RPTOR: variants seen among roughly 807,000 people sequenced by gnomAD.
The protein encoded by RPTOR is regulatory associated protein of MTOR complex 1, also known as regulatory-associated protein of mTOR.
RPTOR carries 21 observed loss-of-function variants against 169.9 expected under a neutral mutation model. The ratio of observed to expected loss-of-function variants is 0.12; its 90% CI spans 0.09 to 0.18. The LOEUF is 0.18. RPTOR is among the 10% of genes least tolerant of loss of function. The pLI, the probability that RPTOR is intolerant of heterozygous loss-of-function variation, is 1.00. For synonymous variants in RPTOR, 732 were observed against 753.2 expected (o/e 0.97, Z 0.46); for missense variants, 1,133 against 1,855.9 (o/e 0.61, Z 7.16).
chr17:80,583,110 A>G (rs2065029184), intron 1 of RPTOR, among the ~76,000 whole-genome samples: 1 of 150,940 alleles, frequency 6.6e-6, no homozygotes, highest in Non-Finnish European at 1.5e-5. Flanking sequence ...TTCAGTACAC[A>G]TAAAGGCAGT....
In RPTOR at chr17:80,659,769, C is replaced by G. The variant is rs558049485; in HGVS notation, c.348+15959C>G. Among the ~76,000 whole-genome samples, 1 of 152,244 alleles carries G rather than the reference C, an allele frequency of 6.6e-6. No individual in the cohort carries two copies. The highest frequency in any genetic ancestry group is 1.5e-5 in the Non-Finnish European group (1 of 68,010). On this transcript the variant is annotated intron_variant, in intron 3 of 33. Coordinates refer to ENST00000306801, the MANE Select transcript of RPTOR (RefSeq NM_020761.3). This position sits in a 1 kb window ranked among gnomAD's most constrained non-coding sequence, Gnocchi z 4.3. ...ATCCGCCCCTTGGTCTCCCAAAGTG[C>G]TGAGATACAGGCGTGAGCCACTGCG... is the stretch of plus-strand genomic sequence containing the variant.
intron 18 of RPTOR, among the ~76,000 whole-genome samples, chr17:80,892,376 C>T (rs1404517414): frequency 6.6e-6 from 1 of 152,216 alleles, no homozygotes; most frequent in Non-Finnish European, 1.5e-5. Flanking sequence ...GTGAGCCAGA[C>T]TGAGTGTGGA....
intron 9 of RPTOR, among the ~76,000 whole-genome samples, chr17:80,836,883 G>A (rs1018374784): frequency 1.3e-5 from 2 of 152,192 alleles, no homozygotes; most frequent in African/African-American, 4.8e-5. Context: ...CAGACTGCCG[G>A]CTGTTCCTAC....
chr17:80,942,366 G>A (rs1482247881), intron 25 of RPTOR, among the ~76,000 whole-genome samples: 1 of 149,438 alleles, frequency 6.7e-6, no homozygotes, highest in African/African-American at 2.5e-5. Flanking sequence ...TGAGCAGGGT[G>A]CGAAACAGAG....
chr17:80,908,086 G>A (rs980588797), intron 20 of RPTOR, among the ~76,000 whole-genome samples: 5 of 152,154 alleles, frequency 3.3e-5, no homozygotes, highest in African/African-American at 7.2e-5. Context: ...AAATAGGACC[G>A]AGCAGCCGCA....
rs1000943519 is a variant in RPTOR, at chr17:80,651,683, C to A, written c.348+7873C>A. Reference sequence around the variant, plus strand: ...ATCACCTGAGGTCAAGAGTTGGAGACCAGCCTGGCCAACATGGTGAAACCT... The same window carrying A: ...ATCACCTGAGGTCAAGAGTTGGAGAACAGCCTGGCCAACATGGTGAAACCT... On this transcript the variant is annotated intron_variant, in intron 3 of 33. Coordinates refer to ENST00000306801, the MANE Select transcript of RPTOR (RefSeq NM_020761.3). The surrounding 1 kb of genome is among the most constrained non-coding windows in gnomAD (Gnocchi z 4.1). Among the ~76,000 whole-genome samples, 1 of 151,006 alleles carries A rather than the reference C, an allele frequency of 6.6e-6. No individual in the cohort carries two copies. Among genetic ancestry groups the A allele is most frequent in the Non-Finnish European group, 1.5e-5 (1 of 67,832 alleles).
chr17:80,607,758 C>T (rs1389097309), intron 1 of RPTOR, among the ~76,000 whole-genome samples: 1 of 152,104 alleles, frequency 6.6e-6, no homozygotes, highest in Non-Finnish European at 1.5e-5. Context: ...CAGTCCTCAT[C>T]AGGTACCTGC....
intron 3 of RPTOR, among the ~76,000 whole-genome samples, chr17:80,665,937 C>T (rs9903123): frequency 0.052 from 7,856 of 152,188 alleles, 677 homozygotes; most frequent in African/African-American, 0.18. Flanking sequence ...TGTCTCGTAA[C>T]CCTGGAGGCC....
At position 80,844,737 on chromosome 17, in the gene RPTOR, C is replaced by T. The variant is rs1303308838; in HGVS notation, c.1213-1736C>T. On this transcript the variant is annotated intron_variant, in intron 10 of 33. Coordinates refer to ENST00000306801, the MANE Select transcript of RPTOR (RefSeq NM_020761.3). This position sits in a 1 kb window ranked among gnomAD's most constrained non-coding sequence, Gnocchi z 4.7. ...CTCTGTGGAGGCTGCCGAGAGCGCT[C>T]CTGGACTTGGGCGCACGGAGGCACC... Among the ~76,000 whole-genome samples, 1 of 152,224 alleles carries T rather than the reference C, an allele frequency of 6.6e-6. No homozygotes were observed. The highest frequency in any genetic ancestry group is 2.4e-5 in the African/African-American group (1 of 41,474).
At chr17:80,796,242 C>T (rs749268252) in intron 7 of RPTOR, among the ~76,000 whole-genome samples, 59 of 152,172 alleles carry the variant, frequency 3.9e-4, no homozygotes, top group Non-Finnish European at 7.9e-4. Context: ...TTAACTCACA[C>T]GGTCACAAGA....
At chr17:80,759,224 C>T (rs1374508412) in intron 6 of RPTOR, among the ~76,000 whole-genome samples, 2 of 152,128 alleles carry the variant, frequency 1.3e-5, no homozygotes, top group East Asian at 3.9e-4. Context: ...TGCTTTCACT[C>T]TGAGGGCTGC....
intron 6 of RPTOR, among the ~76,000 whole-genome samples, chr17:80,762,711 T>C (rs2066747540): frequency 1.3e-5 from 2 of 152,098 alleles, no homozygotes; most frequent in Admixed American, 6.5e-5. Context: ...ACATTATGGA[T>C]AGAGCCAAGA....
chr17:80,732,871 A>G (rs1395482485), intron 5 of RPTOR, among the ~76,000 whole-genome samples: 1 of 152,226 alleles, frequency 6.6e-6, no homozygotes, highest in Non-Finnish European at 1.5e-5. Flanking sequence ...AGCTGGTCAA[A>G]TTCTTTGTAA....
chr17:80,693,621 G>A (rs1329590403), intron 3 of RPTOR, among the ~76,000 whole-genome samples: 2 of 152,232 alleles, frequency 1.3e-5, no homozygotes, highest in African/African-American at 4.8e-5. Flanking sequence ...CTGTGACCTT[G>A]TAGTCCCTTT....
intron 3 of RPTOR, among the ~76,000 whole-genome samples, chr17:80,676,559 T>C (rs2065862623): frequency 6.6e-6 from 1 of 152,164 alleles, no homozygotes; most frequent in African/African-American, 2.4e-5. Context: ...CAGTGCCCTG[T>C]CTCCGCAGTG....
At chr17:80,894,542 G>A (rs918211433) in intron 20 of RPTOR, among the ~76,000 whole-genome samples, 1 of 152,226 alleles carries the variant, frequency 6.6e-6, no homozygotes, top group Non-Finnish European at 1.5e-5. Context: ...CACCAGGATT[G>A]CTGTTGTAAA....
chr17:80,752,261 T>A (rs1374857819), intron 5 of RPTOR, among the ~76,000 whole-genome samples: 1 of 152,182 alleles, frequency 6.6e-6, no homozygotes, highest in East Asian at 1.9e-4. Flanking sequence ...GCCTTGATGA[T>A]AGTGCAGGAG....
chr17:80,862,555 A>G (rs2067929705), intron 13 of RPTOR, among the ~76,000 whole-genome samples: 1 of 145,538 alleles, frequency 6.9e-6, no homozygotes, highest in Non-Finnish European at 1.5e-5. Context: ...TCCGCCCACC[A>G]TGATGTCTGC....
chr17:80,625,768 C>G lies in RPTOR; in HGVS notation c.240C>G (p.Pro80=). Residue 80 remains proline (P), a synonymous_variant, in exon 2 of 34, where the codon CCC becomes CCG. Transcript: ENST00000306801. ...CTCCCGATGTGGTGAAGACCACGCC[C>G]TGTGCACGCTTGGAATGCTGGATCG... is the stretch of plus-strand genomic sequence containing the variant. ...VDPPDVVKTT[P]CARLECWIDP... 2.5e-6 allele frequency: 4 copies of G among 1,612,204 alleles called. No homozygotes were observed. The highest frequency in any genetic ancestry group is 2.5e-6 in the Non-Finnish European group (3 of 1,178,984).
Sources: allele counts gnomAD v4.1 joint callset (sites outside exome capture counted in the v4.1 genomes callset), GRCh38; gene constraint gnomAD v4.1.1; non-coding constraint Gnocchi (gnomAD v3.1); transcripts MANE v1.5; gene names NCBI Gene and HGNC (gene_info 2026-07-23, HGNC 2026-07-21).